KMT5A: variants seen among roughly 807,000 people sequenced by gnomAD.
KMT5A encodes the protein N-lysine methyltransferase KMT5A.
A neutral mutation model predicts 40.6 loss-of-function variants in KMT5A; 6 were observed. The observed-to-expected ratio is 0.15, with a 90% CI of 0.08 to 0.29. The LOEUF (loss-of-function observed/expected upper bound fraction) is 0.29. KMT5A is among the 10% of genes least tolerant of loss of function. The probability of loss-of-function intolerance (pLI) is 1.00; values close to 1 mark genes in which losing one functional copy is unlikely to be tolerated. For missense variants in KMT5A, 308 were observed against 459.1 expected, an observed-to-expected ratio of 0.67 and a Z score of 3.01; for synonymous variants, 153 against 178.8, an observed-to-expected ratio of 0.86 and a Z score of 1.15.
At chr12:123,390,298 C>T (rs766697682) in intron 2 of KMT5A, 9 of 383,922 alleles carry the variant, frequency 2.3e-5, no homozygotes, top group Admixed American at 1.8e-4. Flanking sequence ...CTAAAGATAG[C>T]CTAGCTCTTC....
chr12:123,396,936 A>G (rs1409847257), intron 5 of KMT5A, among the ~76,000 whole-genome samples: 1 of 152,244 alleles, frequency 6.6e-6, no homozygotes, highest in Non-Finnish European at 1.5e-5. Context: ...AAATGGTACA[A>G]TAATGTAGTA....
chr12:123,395,204 T>C lies in KMT5A; in HGVS notation c.447T>C (p.Asn149=). ...KTPPSSCDST[N]AAIAKQALKK... is the part of the protein sequence containing the mutation. ...CACCCTCATCTTGTGATTCCACCAA[T>C]GCAGCCATCGCCAAGCAAGCCCTGA... The change falls in exon 4 of 8, where the codon AAT becomes AAC. Residue 149 remains asparagine, a synonymous_variant. Coordinates refer to ENST00000402868, the MANE Select transcript of KMT5A (RefSeq NM_020382.7). 1 of 1,613,624 alleles carries C rather than the reference T, an allele frequency of 6.2e-7. No individual in the cohort carries two copies. The highest frequency in any genetic ancestry group is 1.3e-5 in the African/African-American group (1 of 75,032).
At position 123,407,753 on chromosome 12, in the gene KMT5A, A is replaced by G; in HGVS notation, c.*50A>G. On this transcript the variant is annotated 3_prime_UTR_variant, in exon 8 of 8. Transcript: ENST00000402868. Reference sequence around the variant, plus strand: ...CCCCACTTTCCCTTCTTCAAAGGACAAAGTGCCCTCAAAGGGAATTGAATT... The same window carrying G: ...CCCCACTTTCCCTTCTTCAAAGGACGAAGTGCCCTCAAAGGGAATTGAATT... The G allele has an allele frequency of 6.9e-7, 1 of 1,457,698 alleles. No individual in the cohort carries two copies. The highest frequency in any genetic ancestry group is 2.4e-5 in the East Asian group (1 of 41,940). The allele number at this position is 1,457,698 out of a possible 1,614,324, so 90.3% of individuals were successfully genotyped here.
In KMT5A at chr12:123,408,288, C is replaced by G. The variant is rs577275157; in HGVS notation, c.*585C>G. On this transcript the variant is annotated 3_prime_UTR_variant, in exon 8 of 8. Transcript: ENST00000402868. ...AGCTTACTGAGCCCCGGGCCCCAAGCACGGGCCGGGCATAGATTTCCTCTT... is the reference window on the plus strand; with the variant it reads ...AGCTTACTGAGCCCCGGGCCCCAAGGACGGGCCGGGCATAGATTTCCTCTT... 9.2e-5 allele frequency: 14 copies of G among 152,706 alleles called. No individual in the cohort carries two copies. The highest frequency in any genetic ancestry group is 3.1e-4 in the African/African-American group (13 of 41,538). The allele number at this position is 152,706 out of a possible 1,614,324, so 9.5% of individuals were successfully genotyped here. A position where few individuals can be genotyped will look rare whatever the true frequency, so the allele number is the denominator to read the frequency against.
At chr12:123,387,805 G>T (rs758597664) in intron 1 of KMT5A, among the ~76,000 whole-genome samples, 1 of 152,224 alleles carries the variant, frequency 6.6e-6, no homozygotes, top group Admixed American at 6.5e-5. Flanking sequence ...TGCTCTGGTG[G>T]ATTATGGAAT....
intron 1 of KMT5A, among the ~76,000 whole-genome samples, chr12:123,385,584 G>T (rs1036517299): frequency 6.6e-6 from 1 of 152,138 alleles, no homozygotes; most frequent in Non-Finnish European, 1.5e-5. Context: ...AGGCATGGTG[G>T]CTCACACCTG....
At chr12:123,389,638 C>G in intron 2 of KMT5A, 84 bp downstream of exon 2, 3 of 962,326 alleles carry the variant, frequency 3.1e-6, no homozygotes, top group Non-Finnish European at 3.7e-6. Flanking sequence ...GGTACCCGCC[C>G]GGGGCGCCCG....
chr12:123,407,018 C>CAAA (rs56732264), intron 7 of KMT5A, among the ~76,000 whole-genome samples: 80 of 28,380 alleles, frequency 2.8e-3, no homozygotes, highest in South Asian at 6.6e-3. Context: ...GACTCCCTCT[C>CAAA]AAAAAAAAAA....
chr12:123,390,388 T>C (rs1325039134), intron 2 of KMT5A, among the ~76,000 whole-genome samples: 3 of 152,186 alleles, frequency 2.0e-5, no homozygotes, highest in Non-Finnish European at 4.4e-5. Context: ...CAGCCGACTC[T>C]CCTGCTGGCC....
At position 123,409,333 on chromosome 12, in the gene KMT5A, A is replaced by G. The variant is rs1424148629; in HGVS notation, c.*1630A>G. On this transcript the variant is annotated 3_prime_UTR_variant, in exon 8 of 8. Transcript: ENST00000402868. ...TGTCATCATAAAAATGAAACAAATT[A>G]AAATATTTATTGCCAGGCAAGGCCA... The G allele has an allele frequency of 3.3e-5, 5 of 152,000 alleles. No individual in the cohort carries two copies. Among genetic ancestry groups the G allele is most frequent in the South Asian group, 2.1e-4 (1 of 4,834 alleles). The allele number at this position is 152,000 out of a possible 1,614,324, so 9.4% of individuals were successfully genotyped here.
chr12:123,395,843 G>T (rs1393576146), intron 4 of KMT5A, among the ~76,000 whole-genome samples: 2 of 151,856 alleles, frequency 1.3e-5, no homozygotes, highest in Non-Finnish European at 2.9e-5. Context: ...GATTACAGGC[G>T]TGAACCACCA....
At chr12:123,390,540 T>A in intron 2 of KMT5A, 90 bp from the exon 3 acceptor site, 1 of 1,499,894 alleles carries the variant, frequency 6.7e-7, no homozygotes, top group Non-Finnish European at 9.0e-7. Flanking sequence ...CGGTGTTGTC[T>A]GATTTTCATC....
chr12:123,404,586 G>A (rs1057477071), intron 6 of KMT5A, among the ~76,000 whole-genome samples: 4 of 152,242 alleles, frequency 2.6e-5, no homozygotes, highest in Non-Finnish European at 5.9e-5. Flanking sequence ...TACAAAATGG[G>A]GCAGTCTCCA....
chr12:123,407,296 G>A (rs1593478504), intron 7 of KMT5A, among the ~76,000 whole-genome samples, 197 bp from the exon 8 acceptor site: 4 of 152,214 alleles, frequency 2.6e-5, no homozygotes, highest in Admixed American at 2.6e-4. Context: ...CCGTGATCGT[G>A]CCACTGCACT....
At chr12:123,396,472 G>C in intron 5 of KMT5A, 40 bp downstream of exon 5, 3 of 1,592,594 alleles carry the variant, frequency 1.9e-6, no homozygotes, top group Non-Finnish European at 2.6e-6. Context: ...GGAGGGGCAG[G>C]GTGGCCCACC....
At chr12:123,407,407 A>G in intron 7 of KMT5A, 86 bp from the exon 8 acceptor site, 3 of 1,281,870 alleles carry the variant, frequency 2.3e-6, no homozygotes, top group Non-Finnish European at 3.4e-6. Context: ...TCAGCATCCC[A>G]CCAGAGCTGA....
chr12:123,393,173 G>A (rs1288024700), intron 3 of KMT5A, among the ~76,000 whole-genome samples: 2 of 152,082 alleles, frequency 1.3e-5, no homozygotes, highest in East Asian at 1.9e-4. Context: ...CACTGTGCCC[G>A]GCCTAATGTA....
intron 5 of KMT5A, among the ~76,000 whole-genome samples, chr12:123,400,126 G>C (rs1593469124): frequency 1.4e-5 from 2 of 139,162 alleles, no homozygotes; most frequent in East Asian, 4.2e-4. Flanking sequence ...CCGGCCGTGA[G>C]ACCCCATCTT....
chr12:123,395,315 T>C (rs184534563), intron 4 of KMT5A, 49 bp downstream of exon 4: 1 of 1,572,536 alleles, frequency 6.4e-7, no homozygotes, highest in East Asian at 2.3e-5. Context: ...GTTTGGTTCC[T>C]CTGATGCCAG....
Sources: gnomAD v4.1 joint callset for allele counts (sites outside exome capture counted in the v4.1 genomes callset) on GRCh38, gnomAD v4.1.1 for gene constraint, MANE v1.5 for transcripts, NCBI Gene and HGNC (gene_info 2026-07-23, HGNC 2026-07-21) for gene names.